The following STMN2 variants were observed in gnomAD, a reference collection of about 807,000 sequenced individuals.
STMN2 encodes the protein stathmin 2, also known as stathmin-2.
A neutral mutation model predicts 24.1 loss-of-function variants in STMN2; 2 were observed. That is an observed-to-expected ratio of 0.08 (90% CI 0.03 to 0.26). The LOEUF (loss-of-function observed/expected upper bound fraction) is 0.26, where lower values mean the gene tolerates loss of function less well. Among genes scored for constraint, STMN2 ranks in the 10% least tolerant of loss-of-function variants. STMN2 has a pLI of 1.00. For synonymous variants in STMN2, 83 were observed against 77.5 expected (o/e 1.07, Z -0.37); for missense variants, 114 against 213.6 (o/e 0.53, Z 2.91).
chr8:79,645,104 A>G (rs968212686), intron 3 of STMN2, among the ~76,000 whole-genome samples: 3 of 152,090 alleles, frequency 2.0e-5, no homozygotes, highest in African/African-American at 7.2e-5. Flanking sequence ...GCAGTGAACC[A>G]AGATGGTACC....
At chr8:79,655,174 G>A in intron 4 of STMN2, 112 bp downstream of exon 4, 1 of 1,208,240 alleles carries the variant, frequency 8.3e-7, no homozygotes, top group South Asian at 1.5e-5. Flanking sequence ...CAGGTGTGAG[G>A]ACAACTAACT....
intron 3 of STMN2, among the ~76,000 whole-genome samples, chr8:79,654,107 C>T (rs1162014236): frequency 6.6e-6 from 1 of 152,182 alleles, no homozygotes; most frequent in Non-Finnish European, 1.5e-5. Context: ...TGCCAGGCAC[C>T]TGCATTGTTA....
intron 1 of STMN2, among the ~76,000 whole-genome samples, chr8:79,634,312 T>TTA (rs35031586): frequency 0.11 from 16,014 of 152,264 alleles, 1,169 homozygotes; most frequent in Non-Finnish European, 0.16. Context: ...CACAATTTCA[T>TTA]TAACTGAATA....
intron 4 of STMN2, among the ~76,000 whole-genome samples, chr8:79,657,544 C>T (rs542523555): frequency 2.6e-5 from 4 of 152,296 alleles, no homozygotes; most frequent in Admixed American, 1.3e-4. Context: ...ACTAGTGGTT[C>T]GTAGCCTGTT....
chr8:79,624,201 T>C (rs1003970448), intron 1 of STMN2, among the ~76,000 whole-genome samples: 2 of 152,054 alleles, frequency 1.3e-5, no homozygotes, highest in Admixed American at 1.3e-4. Context: ...ACACCTGTAA[T>C]CCCAGCACTT....
chr8:79,614,815 A>G (rs189699005), intron 1 of STMN2, among the ~76,000 whole-genome samples: 23 of 152,274 alleles, frequency 1.5e-4, no homozygotes, highest in African/African-American at 4.6e-4. Context: ...TTTTTAGCAA[A>G]CTTTTATTTG....
intron 3 of STMN2, among the ~76,000 whole-genome samples, chr8:79,646,600 T>C (rs574391654): frequency 5.9e-5 from 9 of 152,152 alleles, no homozygotes; most frequent in Admixed American, 5.2e-4. Context: ...GTATGAGGTG[T>C]GTTTGAGAAA....
chr8:79,640,200 A>G (rs1432608442), intron 2 of STMN2, among the ~76,000 whole-genome samples: 2 of 152,208 alleles, frequency 1.3e-5, no homozygotes, highest in East Asian at 3.8e-4. Context: ...CTCCGTCTCA[A>G]TAATAAGTCT....
intron 1 of STMN2, among the ~76,000 whole-genome samples, chr8:79,621,273 G>A (rs7831487): frequency 0.18 from 26,834 of 152,148 alleles, 3,177 homozygotes; most frequent in East Asian, 0.43. Context: ...GGAAAAAAAC[G>A]TGAAAGTGAT....
intron 1 of STMN2, among the ~76,000 whole-genome samples, chr8:79,612,508 C>T (rs970002901): frequency 6.6e-6 from 1 of 152,150 alleles, no homozygotes; most frequent in Non-Finnish European, 1.5e-5. Flanking sequence ...TCAGACAGTG[C>T]CAAATATCGG....
At chr8:79,624,411 A>C (rs1293071289) in intron 1 of STMN2, among the ~76,000 whole-genome samples, 3 of 142,174 alleles carry the variant, frequency 2.1e-5, no homozygotes, top group Non-Finnish European at 4.5e-5. Flanking sequence ...CCGAGATTGT[A>C]CCACTGCACT....
intron 1 of STMN2, among the ~76,000 whole-genome samples, chr8:79,618,341 G>A (rs892843641): frequency 2.6e-5 from 4 of 152,154 alleles, no homozygotes; most frequent in African/African-American, 9.7e-5. Flanking sequence ...GCACAGCATC[G>A]ATTTCTGGTG....
chr8:79,634,004 A>G (rs372421258), intron 1 of STMN2, among the ~76,000 whole-genome samples: 1 of 152,216 alleles, frequency 6.6e-6, no homozygotes, highest in East Asian at 1.9e-4. Flanking sequence ...TTCATCTGTT[A>G]CTACTTTGTG....
At chr8:79,662,502 C>A (rs17525268) in intron 4 of STMN2, among the ~76,000 whole-genome samples, 32,762 of 151,912 alleles carry the variant, frequency 0.22, 4,493 homozygotes, top group Middle Eastern at 0.31. Context: ...TTTTGTTCTC[C>A]CACATTTTGA....
At chr8:79,645,857 T>TC (rs1810205905) in intron 3 of STMN2, among the ~76,000 whole-genome samples, 2 of 152,198 alleles carry the variant, frequency 1.3e-5, no homozygotes, top group Non-Finnish European at 2.9e-5. Flanking sequence ...AATTAGTAAG[T>TC]AATTAGTATT....
At chr8:79,638,886 G>A (rs1045316978) in intron 2 of STMN2, among the ~76,000 whole-genome samples, 21 of 151,834 alleles carry the variant, frequency 1.4e-4, no homozygotes, top group African/African-American at 3.9e-4. Context: ...TTATTTGCCC[G>A]TGTTCTCTTA....
chr8:79,663,733 C>A, intron 4 of STMN2: 3 of 1,244,220 alleles, frequency 2.4e-6, no homozygotes, highest in East Asian at 2.6e-5. Context: ...ATTCAATGAA[C>A]ATTTATTTAG....
chr8:79,661,798 A>C (rs16907056), intron 4 of STMN2, among the ~76,000 whole-genome samples: 7,334 of 152,096 alleles, frequency 0.048, 221 homozygotes, highest in African/African-American at 0.076. Context: ...CCTTTTTACT[A>C]TCTGCCCATG....
intron 2 of STMN2, among the ~76,000 whole-genome samples, chr8:79,639,604 T>C (rs1257850188): frequency 6.6e-6 from 1 of 152,266 alleles, no homozygotes; most frequent in Non-Finnish European, 1.5e-5. Flanking sequence ...TAATTTGTAT[T>C]ATACAGGCTT....
Sources: gnomAD v4.1 joint callset for allele counts (sites outside exome capture counted in the v4.1 genomes callset) on GRCh38, gnomAD v4.1.1 for gene constraint, MANE v1.5 for transcripts, NCBI Gene and HGNC (gene_info 2026-07-23, HGNC 2026-07-21) for gene names.